Variants in REV3L observed in about 807,000 individuals in gnomAD.
REV3L encodes REV3 like, DNA directed polymerase zeta catalytic subunit.
A neutral mutation model predicts 299.4 loss-of-function variants in REV3L; 69 were observed. That is an observed-to-expected ratio of 0.23 (90% CI 0.19 to 0.28). The LOEUF (loss-of-function observed/expected upper bound fraction) is 0.28. Among genes scored for constraint, REV3L ranks in the 10% least tolerant of loss-of-function variants. The probability of loss-of-function intolerance (pLI) is 1.00; values close to 1 mark genes in which losing one functional copy is unlikely to be tolerated. For synonymous variants in REV3L, 1,238 were observed against 1,271.4 expected (o/e 0.97, Z 0.56); for missense variants, 3,128 against 3,693.8 (o/e 0.85, Z 3.97).
chr6:111,349,677 C>T (rs1777401275), intron 19 of REV3L, among the ~76,000 whole-genome samples: 1 of 152,194 alleles, frequency 6.6e-6, no homozygotes, highest in African/African-American at 2.4e-5. Flanking sequence ...AGCAATCCGC[C>T]TGCCTCAGCT....
chr6:111,308,539 C>T (rs1457843570), intron 30 of REV3L, among the ~76,000 whole-genome samples: 3 of 152,184 alleles, frequency 2.0e-5, no homozygotes, highest in South Asian at 2.1e-4. Context: ...ATATCATTTT[C>T]GCACCATCGT....
At chr6:111,389,368 T>C (rs1781671897) in intron 6 of REV3L, among the ~76,000 whole-genome samples, 158 bp from the exon 7 acceptor site, 1 of 152,238 alleles carries the variant, frequency 6.6e-6, no homozygotes, top group African/African-American at 2.4e-5. Context: ...ACTATGTTAC[T>C]CCTTTTTTAG....
intron 5 of REV3L, among the ~76,000 whole-genome samples, chr6:111,390,553 G>A (rs965679828): frequency 1.3e-5 from 2 of 152,082 alleles, no homozygotes; most frequent in Admixed American, 6.6e-5. Context: ...GAAATCAGTT[G>A]CCTAGAGACA....
At chr6:111,417,701 T>A (rs940819561) in intron 1 of REV3L, among the ~76,000 whole-genome samples, 1 of 152,236 alleles carries the variant, frequency 6.6e-6, no homozygotes, top group Non-Finnish European at 1.5e-5. Flanking sequence ...ACATTTCTTA[T>A]AAAGAATAAC....
At chr6:111,477,578 A>C (rs1323040924) in intron 1 of REV3L, among the ~76,000 whole-genome samples, 2 of 152,230 alleles carry the variant, frequency 1.3e-5, no homozygotes, top group Non-Finnish European at 2.9e-5. Flanking sequence ...CAAGGGACTG[A>C]GATAAGGCCA....
rs559638305 is a variant in REV3L, at chr6:111,355,058, C to T, written c.7184+1956G>A. 7.2e-5 allele frequency among the ~76,000 whole-genome samples: 11 copies of T among 151,978 alleles called. No individual in the cohort carries two copies. The South Asian group carries it at 1.7e-3, about 23-fold the overall frequency. On this transcript the variant is annotated intron_variant, in intron 18 of 31. Coordinates refer to ENST00000368802, the MANE Select transcript of REV3L (RefSeq NM_001372078.1). Reference sequence around the variant, plus strand: ...AGTTATATTTAAGTTAGGGAGACTGCGCAAAGTGAAGTTAATAGTCCAAGG... The same window carrying T: ...AGTTATATTTAAGTTAGGGAGACTGTGCAAAGTGAAGTTAATAGTCCAAGG...
At chr6:111,337,835 T>C (rs935957231) in intron 21 of REV3L, among the ~76,000 whole-genome samples, 6 of 152,150 alleles carry the variant, frequency 3.9e-5, no homozygotes, top group South Asian at 2.1e-4. Context: ...CCCTTTAAAA[T>C]AGAACAAAAT....
intron 14 of REV3L, among the ~76,000 whole-genome samples, chr6:111,366,121 C>CT (rs1391961984): frequency 1.3e-5 from 2 of 152,090 alleles, no homozygotes; most frequent in African/African-American, 4.8e-5. Flanking sequence ...AATGATGGCA[C>CT]TATTCATTGA....
rs17539504 is a variant in REV3L at position 111,382,221 on chromosome 6, C to G, written c.1097-777G>C. On this transcript the variant is annotated intron_variant, in intron 9 of 31. Transcript: ENST00000368802. The stretch of plus-strand genomic sequence containing the variant: ...AAGGAACACCAAACTGAACTACCCA[C>G]ACAAGAAAGCGCCTTCATTAGAATA... 3.7e-3 allele frequency among the ~76,000 whole-genome samples: 567 copies of G among 152,224 alleles called. 5 individuals carry two copies. Among genetic ancestry groups the G allele is most frequent in the African/African-American group, 0.013 (534 of 41,506 alleles).
intron 25 of REV3L, among the ~76,000 whole-genome samples, chr6:111,323,450 CTAGT>C (rs549370552): frequency 8.1e-4 from 124 of 152,180 alleles, no homozygotes; most frequent in Non-Finnish European, 1.4e-3. Flanking sequence ...AATCTTGTCA[CTAGT>C]TATACAAAGA....
intron 10 of REV3L, among the ~76,000 whole-genome samples, chr6:111,380,426 A>G (rs1300402911): frequency 6.6e-6 from 1 of 151,856 alleles, no homozygotes; most frequent in Admixed American, 6.6e-5. Context: ...CACCTGGTTA[A>G]TTTTTTGTAT....
intron 1 of REV3L, among the ~76,000 whole-genome samples, chr6:111,442,978 C>A (rs1788444403): frequency 1.8e-5 from 2 of 109,480 alleles, no homozygotes; most frequent in Admixed American, 1.9e-4. Flanking sequence ...GTCGCTCAGG[C>A]GGCTATGTTG....
chr6:111,481,940 G>GC (rs1583163043), intron 1 of REV3L, among the ~76,000 whole-genome samples: 1 of 152,090 alleles, frequency 6.6e-6, no homozygotes, highest in East Asian at 1.9e-4. Context: ...CAATCCTACA[G>GC]CCCAGCCTAG....
intron 31 of REV3L, among the ~76,000 whole-genome samples, chr6:111,303,165 C>CTTTTTTTTTTT (rs1189398273): frequency 2.2e-5 from 2 of 92,342 alleles, no homozygotes; most frequent in African/African-American, 7.8e-5. Context: ...TCTTTTCTTT[C>CTTTTTTTTTTT]TTTTTTTTTT....
intron 1 of REV3L, among the ~76,000 whole-genome samples, chr6:111,418,127 C>T (rs1784954762): frequency 1.3e-5 from 2 of 152,240 alleles, no homozygotes; most frequent in Admixed American, 1.3e-4. Flanking sequence ...CACAATTTGA[C>T]TAAGAGTAAC....
chr6:111,413,905 T>C (rs931069858), intron 2 of REV3L, among the ~76,000 whole-genome samples: 3 of 151,970 alleles, frequency 2.0e-5, no homozygotes, highest in Admixed American at 6.6e-5. Flanking sequence ...TATAGGAAAG[T>C]TATTAGAAAC....
intron 1 of REV3L, among the ~76,000 whole-genome samples, chr6:111,478,733 A>G (rs1424491351): frequency 6.6e-6 from 1 of 152,160 alleles, no homozygotes; most frequent in Admixed American, 6.5e-5. Flanking sequence ...ACATAAACTT[A>G]TATAGCATTT....
chr6:111,449,762 A>C (rs961340563), intron 1 of REV3L, among the ~76,000 whole-genome samples: 14 of 152,300 alleles, frequency 9.2e-5, no homozygotes, highest in African/African-American at 3.4e-4. Context: ...ATTTCTAAAA[A>C]TACAATGATA....
intron 1 of REV3L, among the ~76,000 whole-genome samples, chr6:111,423,131 G>C (rs1785765989): frequency 6.6e-6 from 1 of 152,004 alleles, no homozygotes; most frequent in Admixed American, 6.6e-5. Flanking sequence ...CTAAACCATA[G>C]GCTGCTTATA....
Sources: gnomAD v4.1 joint callset for allele counts (sites outside exome capture counted in the v4.1 genomes callset) on GRCh38, gnomAD v4.1.1 for gene constraint, MANE v1.5 for transcripts, NCBI Gene and HGNC (gene_info 2026-07-23, HGNC 2026-07-21) for gene names.